PHF19: variants seen among roughly 807,000 people sequenced by gnomAD.
PHF19 encodes the protein PHD finger protein 19.
In PHF19, 21 loss-of-function variants were observed where a neutral mutation model predicts 79.8. The ratio of observed to expected loss-of-function variants is 0.26; its 90% CI spans 0.19 to 0.38. The LOEUF (loss-of-function observed/expected upper bound fraction) is 0.38. Ranked by LOEUF, PHF19 falls within the 10% of genes least tolerant of loss-of-function variation. The probability of loss-of-function intolerance (pLI) is 1.00; values close to 1 mark genes in which losing one functional copy is unlikely to be tolerated. For missense variants in PHF19, 445 were observed against 744.2 expected (o/e 0.60, Z 4.68); for synonymous variants, 273 against 296.3 (o/e 0.92, Z 0.81).
the PHF19 span, among the ~76,000 whole-genome samples, chr9:120,900,269 G>A: frequency 6.6e-6 from 1 of 152,224 alleles, no homozygotes; most frequent in Non-Finnish European, 1.5e-5. Flanking sequence ...TTACAGGCGT[G>A]AGCCACCGCA....
At chr9:120,894,034 A>T (rs1015987534) in intron 1 of PHF19, among the ~76,000 whole-genome samples, 1 of 152,184 alleles carries the variant, frequency 6.6e-6, no homozygotes, top group Non-Finnish European at 1.5e-5. Context: ...TCACAAGCCC[A>T]GGGGTGATCC....
At chr9:120,896,695 C>A (rs1038306338), upstream of PHF19, among the ~76,000 whole-genome samples, 1 of 151,842 alleles carries the variant, frequency 6.6e-6, no homozygotes, top group African/African-American at 2.4e-5. Context: ...CCTCGTGATC[C>A]GCCCGTCTCG....
chr9:120,894,940 G>C (rs1016092384), upstream of PHF19: 38 of 475,472 alleles, frequency 8.0e-5, no homozygotes, highest in Non-Finnish European at 1.1e-4. Flanking sequence ...CCAGCACACA[G>C]TCCGCCAGCC....
At position 120,856,799 on chromosome 9, in the gene PHF19, T is replaced by C. The variant is rs1229880198; in HGVS notation, c.*1145A>G. 1 of 152,714 alleles carries C rather than the reference T, an allele frequency of 6.5e-6. No individual in the cohort carries two copies. Among genetic ancestry groups the C allele is most frequent in the Non-Finnish European group, 1.5e-5 (1 of 68,100 alleles). The allele number at this position is 152,714 out of a possible 1,614,324, so 9.5% of individuals were successfully genotyped here. On this transcript the variant is annotated 3_prime_UTR_variant, in exon 15 of 15. Coordinates refer to ENST00000373896, the MANE Select transcript of PHF19 (RefSeq NM_015651.3). ...AGGGTGAGTCCCCTGTGCTTCCCTA[T>C]GGGACCAATGCTGGTTGATGGGCTG...
At chr9:120,863,157 G>T in intron 10 of PHF19, 2 of 183,710 alleles carry the variant, frequency 1.1e-5, no homozygotes, top group East Asian at 1.5e-4. Context: ...CTCTGAGGCT[G>T]CAGAAGTGAC....
At chr9:120,865,959 C>G in intron 8 of PHF19, 69 bp downstream of exon 8, 1 of 1,572,060 alleles carries the variant, frequency 6.4e-7, no homozygotes, top group South Asian at 1.1e-5. Flanking sequence ...TGGAATTGTT[C>G]CAGGAGGGAG....
At chr9:120,881,966 T>A (rs1032573445), upstream of PHF19, among the ~76,000 whole-genome samples, 2 of 152,248 alleles carry the variant, frequency 1.3e-5, no homozygotes, top group African/African-American at 4.8e-5. Flanking sequence ...TTCACCATGT[T>A]GGTCAGGCTG....
At position 120,874,825 on chromosome 9, in the gene PHF19, G is replaced by A; in HGVS notation, c.-15-69C>T. ...TCAGAAAGCCCATCAGGGGAAGGAA[G>A]GAAACCACCATTTCTGTACCCTGTG... On this transcript the variant is annotated intron_variant, in intron 1 of 14. Transcript: ENST00000373896. The surrounding 1 kb of genome is among the most constrained non-coding windows in gnomAD (Gnocchi z 4.5). 1 of 990,566 alleles carries A rather than the reference G, an allele frequency of 1.0e-6. No individual in the cohort carries two copies. The highest frequency in any genetic ancestry group is 1.6e-6 in the Non-Finnish European group (1 of 643,140). The allele number at this position is 990,566 out of a possible 1,614,324, so 61.4% of individuals were successfully genotyped here. A position where few individuals can be genotyped will look rare whatever the true frequency, so the allele number is the denominator to read the frequency against.
intron 3 of PHF19, among the ~76,000 whole-genome samples, chr9:120,873,737 T>C (rs2045969403): frequency 6.6e-6 from 1 of 152,194 alleles, no homozygotes; most frequent in Non-Finnish European, 1.5e-5. Context: ...CTAAGCTACC[T>C]TCCCCACCTG....
chr9:120,875,537 C>T (rs2046022030), intron 1 of PHF19, among the ~76,000 whole-genome samples: 1 of 152,212 alleles, frequency 6.6e-6, no homozygotes, highest in Non-Finnish European at 1.5e-5. Context: ...GTTGCCACAG[C>T]CGGCCCATTT....
At chr9:120,868,516 A>T (rs2045775485) in intron 6 of PHF19, 1 of 152,730 alleles carries the variant, frequency 6.5e-6, no homozygotes, top group African/African-American at 2.4e-5. Flanking sequence ...TCCTGGGAGG[A>T]TTCGCACTGT....
chr9:120,858,122 A>G lies in PHF19; in HGVS notation c.1565T>C (p.Phe522Ser), dbSNP rs1341440860. 1.2e-6 allele frequency: 2 copies of G among 1,613,962 alleles called. No individual in the cohort carries two copies. Among genetic ancestry groups the G allele is most frequent in the Non-Finnish European group, 1.7e-6 (2 of 1,179,926 alleles). Reference protein sequence around the residue: ...RPDEGIDSHTFESISEDDSSL... With the variant: ...RPDEGIDSHTSESISEDDSSL... Reference sequence around the variant, plus strand: ...TGAGTCATCTTCACTGATGCTCTCAAATGTGTGGCTGTCAATGCCTTCGTC... The same window carrying G: ...TGAGTCATCTTCACTGATGCTCTCAGATGTGTGGCTGTCAATGCCTTCGTC... The change falls in exon 15 of 15, where the codon TTT becomes TCT. Residue 522 changes from phenylalanine to serine, a missense_variant. Transcript: ENST00000373896.
intron 1 of PHF19, among the ~76,000 whole-genome samples, chr9:120,885,303 G>A (rs1245889711): frequency 3.3e-5 from 5 of 152,140 alleles, no homozygotes; most frequent in Admixed American, 1.3e-4. Context: ...GGAGAGGTTC[G>A]GCGCAGTGGT....
chr9:120,878,691 G>A (rs2046131002), upstream of PHF19, among the ~76,000 whole-genome samples: 1 of 152,094 alleles, frequency 6.6e-6, no homozygotes, highest in Non-Finnish European at 1.5e-5. Flanking sequence ...GCTCTCACCT[G>A]CCTCACTGCC....
intron 1 of PHF19, among the ~76,000 whole-genome samples, chr9:120,893,898 C>T (rs1308188654): frequency 5.3e-5 from 8 of 152,178 alleles, no homozygotes; most frequent in Non-Finnish European, 1.0e-4. Flanking sequence ...GGCAGTGGTT[C>T]TCAAAGTGTA....
At position 120,891,555 on chromosome 9, in the gene PHF19, C is replaced by A. The variant is rs1382716525; in HGVS notation, c.42+3233G>T. On this transcript the variant is annotated intron_variant, in intron 1 of 14. Transcript: ENST00000616568. The surrounding 1 kb of genome is among the most constrained non-coding windows in gnomAD (Gnocchi z 4.3). The stretch of plus-strand genomic sequence containing the variant: ...TCAAGGTGCAGCCCAGGTGGAGCGC[C>A]ACCATAATTTACAGCACACGACTCA... Among the ~76,000 whole-genome samples, 3 of 152,136 alleles carry A rather than the reference C, an allele frequency of 2.0e-5. No homozygotes were observed. The highest frequency in any genetic ancestry group is 7.2e-5 in the African/African-American group (3 of 41,422).
rs988336320 is a variant in PHF19, at chr9:120,868,831, G to C, written c.614+351C>G. The C allele has an allele frequency of 2.9e-6, 3 of 1,051,850 alleles. No individual in the cohort carries two copies. In the African/African-American group the frequency reaches 5.1e-5, roughly 18 times the overall value. 65.2% of individuals were successfully genotyped at this position (1,051,850 alleles called of 1,614,324 possible). Reference sequence around the variant, plus strand: ...ACCTCCCTGGGGCCCTGCTTGGGCGGTCGCAACCCGCCAGGCCCGCCTCCC... The same window carrying C: ...ACCTCCCTGGGGCCCTGCTTGGGCGCTCGCAACCCGCCAGGCCCGCCTCCC... On this transcript the variant is annotated intron_variant, in intron 6 of 14. Coordinates refer to ENST00000373896, the MANE Select transcript of PHF19 (RefSeq NM_015651.3).
At position 120,866,785 on chromosome 9, in the gene PHF19, G is replaced by T; in HGVS notation, c.710+85C>A. 1.3e-6 allele frequency: 1 copy of T among 765,356 alleles called. No individual in the cohort carries two copies. Among genetic ancestry groups the T allele is most frequent in the Non-Finnish European group, 2.4e-6 (1 of 417,716 alleles). 47.4% of individuals were successfully genotyped at this position (765,356 alleles called of 1,614,324 possible). A position where few individuals can be genotyped will look rare whatever the true frequency, so the allele number is the denominator to read the frequency against. On this transcript the variant is annotated intron_variant, in intron 7 of 14. Coordinates refer to ENST00000373896, the MANE Select transcript of PHF19 (RefSeq NM_015651.3). The surrounding 1 kb of genome is among the most constrained non-coding windows in gnomAD (Gnocchi z 5.2). ...CAGACCTCCTCTTGTCTGGAGCCTGGCAGTCAACCTGCAGGAGTTGTTGCT... is the reference window on the plus strand; with the variant it reads ...CAGACCTCCTCTTGTCTGGAGCCTGTCAGTCAACCTGCAGGAGTTGTTGCT...
Position 120,862,496 on chromosome 9 carries a change from G to C in PHF19, c.1130+92C>G. 9.0e-7 allele frequency: 1 copy of C among 1,113,828 alleles called. No individual in the cohort carries two copies. 69.0% of individuals were successfully genotyped at this position (1,113,828 alleles called of 1,614,324 possible). On this transcript the variant is annotated intron_variant, in intron 11 of 14. Transcript: ENST00000373896. This position sits in a 1 kb window ranked among gnomAD's most constrained non-coding sequence, Gnocchi z 4.6. The stretch of plus-strand genomic sequence containing the variant: ...TAGCCCTCTCAGGGTCCTACAGCTG[G>C]GACTGGCTGGGTGCAGGTCCTCCTT...
Sources: gnomAD v4.1 joint callset for allele counts (sites outside exome capture counted in the v4.1 genomes callset) on GRCh38, gnomAD v4.1.1 for gene constraint, Gnocchi (gnomAD v3.1) non-coding constraint, MANE v1.5 for transcripts, NCBI Gene and HGNC (gene_info 2026-07-23, HGNC 2026-07-21) for gene names.